The following ADRA1A variants were observed in gnomAD, a reference collection of about 807,000 sequenced individuals.
ADRA1A encodes alpha-1A adrenergic receptor.
A neutral mutation model predicts 29.6 loss-of-function variants in ADRA1A; 31 were observed. The observed-to-expected ratio is 1.05, with a 90% confidence interval of 0.79 to 1.41. The LOEUF is 1.41. Among genes scored for constraint, ADRA1A ranks in the 40% most tolerant of loss-of-function variants. ADRA1A has a pLI of 0.00. For synonymous variants in ADRA1A, 311 were observed against 254.3 expected, an observed-to-expected ratio of 1.22 and a Z score of -2.12; for missense variants, 619 against 601.1, an observed-to-expected ratio of 1.03 and a Z score of -0.31.
intron 2 of ADRA1A, among the ~76,000 whole-genome samples, chr8:26,810,381 A>G (rs887445822): frequency 3.9e-5 from 6 of 152,178 alleles, no homozygotes; most frequent in African/African-American, 7.2e-5. Context: ...CAGCCATTCT[A>G]TTTCACTGGG....
At position 26,860,872 on chromosome 8, in the gene ADRA1A, C is replaced by T. The variant is rs963214863; in HGVS notation, c.883+3215G>A. On this transcript the variant is annotated intron_variant, in intron 2 of 2. Transcript: ENST00000380573. The surrounding 1 kb of genome is among the most constrained non-coding windows in gnomAD (Gnocchi z 4.7). ...TATAAATATCATGTCATATCCCCAC[C>T]TCCCACCATTGAAAGCTCTCTCTAT... Among the ~76,000 whole-genome samples, 1 of 152,154 alleles carries T rather than the reference C, an allele frequency of 6.6e-6. No homozygotes were observed. Among genetic ancestry groups the T allele is most frequent in the Non-Finnish European group, 1.5e-5 (1 of 68,024 alleles).
At chr8:26,786,501 A>G (rs1012595560) in intron 2 of ADRA1A, among the ~76,000 whole-genome samples, 6 of 151,832 alleles carry the variant, frequency 4.0e-5, no homozygotes, top group African/African-American at 1.5e-4. Context: ...CTGACCTCAA[A>G]TGATCCACGT....
chr8:26,798,118 A>G (rs962420676), intron 2 of ADRA1A, among the ~76,000 whole-genome samples: 3 of 152,160 alleles, frequency 2.0e-5, no homozygotes, highest in Non-Finnish European at 4.4e-5. Context: ...AGCTGGGATT[A>G]CAGGTGCTTG....
intron 2 of ADRA1A, among the ~76,000 whole-genome samples, chr8:26,829,330 T>G (rs549117446): frequency 1.4e-3 from 212 of 152,236 alleles, no homozygotes; most frequent in African/African-American, 4.6e-3. Context: ...AAAACAGAAC[T>G]GCCCTGGGAA....
intron 2 of ADRA1A, among the ~76,000 whole-genome samples, chr8:26,838,948 T>G (rs1811590529): frequency 6.6e-6 from 1 of 152,168 alleles, no homozygotes; most frequent in Non-Finnish European, 1.5e-5. Flanking sequence ...ACCATGTGAC[T>G]AGCTCTATCC....
chr8:26,748,913 A>G (rs184616280), intron 2 of ADRA1A, among the ~76,000 whole-genome samples: 196 of 152,272 alleles, frequency 1.3e-3, no homozygotes, highest in Non-Finnish European at 1.7e-3. Context: ...ACTCAACCAG[A>G]GAGGACCTCT....
intron 2 of ADRA1A, among the ~76,000 whole-genome samples, chr8:26,852,934 A>G (rs1812742382): frequency 6.6e-6 from 1 of 152,212 alleles, no homozygotes; most frequent in East Asian, 1.9e-4. Flanking sequence ...CCTGTGATAC[A>G]GCAACATGAA....
chr8:26,850,362 T>G (rs1812539705), intron 2 of ADRA1A, among the ~76,000 whole-genome samples: 1 of 152,016 alleles, frequency 6.6e-6, no homozygotes, highest in Admixed American at 6.6e-5. Flanking sequence ...GCAACAAGAG[T>G]ATTTTGAAAT....
At chr8:26,839,254 G>C (rs547771618) in intron 2 of ADRA1A, among the ~76,000 whole-genome samples, 317 of 151,280 alleles carry the variant, frequency 2.1e-3, no homozygotes, top group African/African-American at 7.3e-3. Flanking sequence ...CGCCTCCCGG[G>C]TTCAAGTGAT....
chr8:26,852,409 G>C (rs1812705322), intron 2 of ADRA1A, among the ~76,000 whole-genome samples: 1 of 151,926 alleles, frequency 6.6e-6, no homozygotes, highest in Non-Finnish European at 1.5e-5. Flanking sequence ...TACTGGGAAA[G>C]AGATTAAAAT....
intron 2 of ADRA1A, among the ~76,000 whole-genome samples, chr8:26,840,091 C>A (rs1409273061): frequency 6.6e-6 from 1 of 152,184 alleles, no homozygotes; most frequent in Admixed American, 6.5e-5. Flanking sequence ...TATGTTGTAA[C>A]CCTTATGAAA....
downstream of ADRA1A, among the ~76,000 whole-genome samples, chr8:26,751,419 G>A (rs1220699214): frequency 1.3e-5 from 2 of 152,196 alleles, no homozygotes; most frequent in African/African-American, 2.4e-5. Flanking sequence ...AGGCTGGCAG[G>A]ATGATTTGGC....
chr8:26,815,430 G>A lies in ADRA1A; in HGVS notation c.884-44764C>T, dbSNP rs1034845955. ...AGGTAGCAAAAACCTAAGTATTAATGTAACACTGATTTCAAGCTACCTTAT... is the reference window on the plus strand; with the variant it reads ...AGGTAGCAAAAACCTAAGTATTAATATAACACTGATTTCAAGCTACCTTAT... On this transcript the variant is annotated intron_variant, in intron 2 of 2. Transcript: ENST00000380573. This position sits in a 1 kb window ranked among gnomAD's most constrained non-coding sequence, Gnocchi z 4.2. 2.6e-5 allele frequency among the ~76,000 whole-genome samples: 4 copies of A among 152,184 alleles called. No homozygotes were observed. The highest frequency in any genetic ancestry group is 9.7e-5 in the African/African-American group (4 of 41,434).
rs536685373 is a variant in ADRA1A, at chr8:26,865,924, C to A, written c.-686-269G>T. Reference sequence around the variant, plus strand: ...AAACAAAAAAACAAATCCCCAAAACCCCAGGCTCCAGCGCTCGAAGTCTGG... The same window carrying A: ...AAACAAAAAAACAAATCCCCAAAACACCAGGCTCCAGCGCTCGAAGTCTGG... On this transcript the variant is annotated intron_variant, in intron 1 of 2. Transcript: ENST00000380573. The surrounding 1 kb of genome is among the most constrained non-coding windows in gnomAD (Gnocchi z 7.6). Among the ~76,000 whole-genome samples, 273 of 152,288 alleles carry A rather than the reference C, an allele frequency of 1.8e-3. No homozygotes were observed. The highest frequency in any genetic ancestry group is 2.6e-3 in the Non-Finnish European group (176 of 68,020).
chr8:26,859,647 A>T (rs535555734), intron 2 of ADRA1A, among the ~76,000 whole-genome samples: 2 of 152,172 alleles, frequency 1.3e-5, no homozygotes, highest in Non-Finnish European at 2.9e-5. Flanking sequence ...CTCTTACTCA[A>T]TTGGTGTCAG....
rs1273425431 is a variant in ADRA1A at position 26,864,657 on chromosome 8, CT to C, written c.312del (p.Val105TrpfsTer24). ...FGRVFCNIWA[A>X]VDVLCCTASI... is the part of the protein sequence containing the mutation. ...GACGCGGTGCAGCACAGCACATCCA[CT>C]GCCGCCCAGATGTTGCAGAAGACCC... is the stretch of plus-strand genomic sequence containing the variant. On this transcript the variant is annotated frameshift_variant, in exon 2 of 3. Coordinates refer to ENST00000380573, the MANE Select transcript of ADRA1A (RefSeq NM_000680.4). LOFTEE classifies it high-confidence loss of function. This position sits in a 1 kb window ranked among gnomAD's most constrained non-coding sequence, Gnocchi z 8.1. 6.2e-7 allele frequency: 1 copy of C among 1,614,082 alleles called. No homozygotes were observed. The highest frequency in any genetic ancestry group is 2.2e-5 in the East Asian group (1 of 44,884).
At chr8:26,809,555 T>C (rs1362907747) in intron 2 of ADRA1A, among the ~76,000 whole-genome samples, 1 of 152,246 alleles carries the variant, frequency 6.6e-6, no homozygotes, top group Non-Finnish European at 1.5e-5. Context: ...TACAACTTTA[T>C]TGGATAATAG....
intron 2 of ADRA1A, chr8:26,756,946 C>T: frequency 9.8e-7 from 1 of 1,021,670 alleles, no homozygotes; most frequent in Non-Finnish European, 1.4e-6. Flanking sequence ...AGCGGGTTCT[C>T]AAGTTGAGGA....
At position 26,864,790 on chromosome 8, in the gene ADRA1A, G is replaced by C; in HGVS notation, c.180C>G (p.Val60=). 1 of 1,614,178 alleles carries C rather than the reference G, an allele frequency of 6.2e-7. No individual in the cohort carries two copies. The highest frequency in any genetic ancestry group is 8.5e-7 in the Non-Finnish European group (1 of 1,180,036). ...SVACHRHLHS[V]THYYIVNLAV... Reference sequence around the variant, plus strand: ...CCAGGTTGACGATGTAGTAGTGCGTGACTGAGTGCAGGTGTCGGTGACAGG... The same window carrying C: ...CCAGGTTGACGATGTAGTAGTGCGTCACTGAGTGCAGGTGTCGGTGACAGG... The change falls in exon 2 of 3, where the codon GTC becomes GTG. Residue 60 remains valine (V), a synonymous_variant. Coordinates refer to ENST00000380573, the MANE Select transcript of ADRA1A (RefSeq NM_000680.4). The surrounding 1 kb of genome is among the most constrained non-coding windows in gnomAD (Gnocchi z 8.1).
Sources: gnomAD v4.1 joint callset for allele counts (sites outside exome capture counted in the v4.1 genomes callset) on GRCh38, gnomAD v4.1.1 for gene constraint, Gnocchi (gnomAD v3.1) non-coding constraint, MANE v1.5 for transcripts, NCBI Gene and HGNC (gene_info 2026-07-23, HGNC 2026-07-21) for gene names.